Variants in ZNF236 observed in about 807,000 individuals in gnomAD.
ZNF236 encodes the protein zinc finger protein 236.
In ZNF236, 50 loss-of-function variants were observed where a neutral mutation model predicts 191.2. The ratio of observed to expected loss-of-function variants is 0.26; its 90% CI spans 0.21 to 0.33. The LOEUF is 0.33. Ranked by LOEUF, ZNF236 falls within the 10% of genes least tolerant of loss-of-function variation. The probability of loss-of-function intolerance (pLI) is 1.00; values close to 1 mark genes in which losing one functional copy is unlikely to be tolerated. For synonymous variants in ZNF236, 907 were observed against 928.8 expected (o/e 0.98, Z 0.43); for missense variants, 1,754 against 2,374.5 (o/e 0.74, Z 5.43).
At chr18:76,849,854 C>T (rs545743381) in intron 2 of ZNF236, among the ~76,000 whole-genome samples, 186 bp downstream of exon 2, 21 of 152,212 alleles carry the variant, frequency 1.4e-4, no homozygotes, top group African/African-American at 4.1e-4. Flanking sequence ...TTTGATAAGG[C>T]GAGAGAGTGA....
Position 76,915,577 on chromosome 18 carries a change from G to T in ZNF236, c.3062-70G>T, listed in dbSNP as rs1967334635. The T allele has an allele frequency of 2.8e-6, 4 of 1,440,202 alleles. No homozygotes were observed. The South Asian group carries it at 3.6e-5, about 13-fold the overall frequency. 89.2% of individuals were successfully genotyped at this position (1,440,202 alleles called of 1,614,324 possible). A position where few individuals can be genotyped will look rare whatever the true frequency, so the allele number is the denominator to read the frequency against. On this transcript the variant is annotated intron_variant, in intron 18 of 30. Coordinates refer to ENST00000320610, the MANE Select transcript of ZNF236 (RefSeq NM_001306089.2). ...ATTAAACATATCTTTGTTTGGTTTT[G>T]ACTGCTTCTGGTTTTAAGGTAGTGA...
Position 76,954,516 on chromosome 18 carries a change from A to G in ZNF236, c.4915-1469A>G, listed in dbSNP as rs536573274. On this transcript the variant is annotated intron_variant, in intron 27 of 30. Coordinates refer to ENST00000320610, the MANE Select transcript of ZNF236 (RefSeq NM_001306089.2). ...TGCTTTTCAGACTTTTTTGACTCAC[A>G]TGGAATATATTTTATGCAGTGACCT... 1.7e-4 allele frequency among the ~76,000 whole-genome samples: 26 copies of G among 152,314 alleles called. 1 individual carries two copies. The South Asian group carries it at 5.2e-3, about 30-fold the overall frequency.
At chr18:76,869,927 G>T (rs1352824405) in intron 4 of ZNF236, among the ~76,000 whole-genome samples, 1 of 152,146 alleles carries the variant, frequency 6.6e-6, no homozygotes, top group African/African-American at 2.4e-5. Context: ...CTGCACTCCA[G>T]CCTGGGCGAC....
intron 27 of ZNF236, among the ~76,000 whole-genome samples, chr18:76,948,215 G>C (rs552567631): frequency 1.3e-5 from 2 of 152,232 alleles, no homozygotes; most frequent in East Asian, 3.9e-4. Flanking sequence ...AGTTTCCAGG[G>C]TCAGAATTAA....
rs564857262 is a variant in ZNF236 at position 76,970,139 on chromosome 18, T to C, written c.*1800T>C. On this transcript the variant is annotated 3_prime_UTR_variant, in exon 31 of 31. Coordinates refer to ENST00000320610, the MANE Select transcript of ZNF236 (RefSeq NM_001306089.2). ...TTTATAATTTTGTATTGAAATATTT[T>C]AGAAATGTTGATTAATTTTGGTGAA... is the stretch of plus-strand genomic sequence containing the variant. 3.9e-5 allele frequency: 6 copies of C among 152,810 alleles called. No individual in the cohort carries two copies. 9.5% of individuals were successfully genotyped at this position (152,810 alleles called of 1,614,324 possible). A position where few individuals can be genotyped will look rare whatever the true frequency, so the allele number is the denominator to read the frequency against.
intron 27 of ZNF236, among the ~76,000 whole-genome samples, chr18:76,954,104 T>C (rs556593414): frequency 6.6e-6 from 1 of 152,244 alleles, no homozygotes; most frequent in African/African-American, 2.4e-5. Flanking sequence ...TCTATTAATA[T>C]AATTCAGTCT....
chr18:76,894,096 G>T (rs1033556666), intron 9 of ZNF236, among the ~76,000 whole-genome samples: 5 of 152,160 alleles, frequency 3.3e-5, no homozygotes, highest in African/African-American at 1.2e-4. Flanking sequence ...CACTGTAGAT[G>T]CTACCTTAAT....
intron 11 of ZNF236, among the ~76,000 whole-genome samples, chr18:76,903,922 A>G (rs1442890629): frequency 6.7e-6 from 1 of 148,468 alleles, no homozygotes; most frequent in African/African-American, 2.5e-5. Flanking sequence ...TTATTATAGT[A>G]TCTAGTGTGC....
chr18:76,863,591 C>CTT (rs200474453), intron 3 of ZNF236, among the ~76,000 whole-genome samples: 4 of 144,592 alleles, frequency 2.8e-5, no homozygotes, highest in East Asian at 2.0e-4. Flanking sequence ...TATTCTTCTT[C>CTT]TTTTTTTTTT....
intron 11 of ZNF236, among the ~76,000 whole-genome samples, chr18:76,900,906 TC>T (rs1450318324): frequency 1.3e-5 from 2 of 152,180 alleles, no homozygotes; most frequent in Non-Finnish European, 2.9e-5. Context: ...GTAAAACTGT[TC>T]CACTCAGATG....
intron 2 of ZNF236, 117 bp from the exon 3 acceptor site, chr18:76,851,658 C>T (rs544193466): frequency 9.5e-6 from 11 of 1,162,796 alleles, no homozygotes; most frequent in East Asian, 5.3e-5. Flanking sequence ...GAGGAGACTT[C>T]AGAAGTTTCT....
At chr18:76,871,595 G>A in intron 4 of ZNF236, 106 bp from the exon 5 acceptor site, 1 of 1,248,486 alleles carries the variant, frequency 8.0e-7, no homozygotes, top group East Asian at 2.3e-5. Context: ...CATTAAAACA[G>A]GTTCTGATGA....
At chr18:76,841,689 T>C (rs1431921072) in intron 1 of ZNF236, among the ~76,000 whole-genome samples, 1 of 145,948 alleles carries the variant, frequency 6.9e-6, no homozygotes, top group South Asian at 2.2e-4. Context: ...TGGGTTTTTT[T>C]TTTTCTTTTT....
At chr18:76,859,660 C>T (rs537180995) in intron 3 of ZNF236, among the ~76,000 whole-genome samples, 2 of 152,242 alleles carry the variant, frequency 1.3e-5, no homozygotes, top group East Asian at 3.9e-4. Context: ...GTTATTGAAA[C>T]TGAAGTACCT....
intron 9 of ZNF236, among the ~76,000 whole-genome samples, chr18:76,889,213 G>A (rs1290650705): frequency 6.6e-6 from 1 of 152,152 alleles, no homozygotes; most frequent in East Asian, 1.9e-4. Flanking sequence ...GAAGCTCACC[G>A]GCAGGGCCAC....
intron 25 of ZNF236, among the ~76,000 whole-genome samples, chr18:76,933,594 G>A (rs1212489666): frequency 6.6e-6 from 1 of 151,916 alleles, no homozygotes; most frequent in Non-Finnish European, 1.5e-5. Flanking sequence ...AAGGGATTGG[G>A]TGACATTATA....
chr18:76,867,613 C>T (rs1337896409), intron 3 of ZNF236, among the ~76,000 whole-genome samples: 1 of 152,154 alleles, frequency 6.6e-6, no homozygotes, highest in African/African-American at 2.4e-5. Context: ...TTGTACAGTT[C>T]ATTTTGAGGA....
At chr18:76,825,530 T>C (rs575147370) in intron 1 of ZNF236, among the ~76,000 whole-genome samples, 8 of 152,256 alleles carry the variant, frequency 5.3e-5, no homozygotes, top group African/African-American at 1.4e-4. Flanking sequence ...CCAGAGAAAA[T>C]GCAGAATAGA....
chr18:76,949,846 A>G (rs1460748393), intron 27 of ZNF236, among the ~76,000 whole-genome samples: 1 of 151,792 alleles, frequency 6.6e-6, no homozygotes, highest in African/African-American at 2.4e-5. Flanking sequence ...TTTAGTAGAG[A>G]TGGGATTTTG....
Sources: allele counts gnomAD v4.1 joint callset (sites outside exome capture counted in the v4.1 genomes callset), GRCh38; gene constraint gnomAD v4.1.1; transcripts MANE v1.5; gene names NCBI Gene and HGNC (gene_info 2026-07-23, HGNC 2026-07-21).